BCAS3: variants seen among roughly 807,000 people sequenced by gnomAD.
The protein encoded by BCAS3 is BCAS4/BCAS3 fusion.
BCAS3 carries 53 observed loss-of-function variants against 116.1 expected under a neutral mutation model. That is an observed-to-expected ratio of 0.46 (90% CI 0.37 to 0.57). The LOEUF (loss-of-function observed/expected upper bound fraction) is 0.57, where lower values mean the gene tolerates loss of function less well. Among genes scored for constraint, BCAS3 ranks in the 20% least tolerant of loss-of-function variants. BCAS3 has a pLI of 0.00. For synonymous variants in BCAS3, 391 were observed against 408.2 expected, an observed-to-expected ratio of 0.96 and a Z score of 0.51; for missense variants, 917 against 1,165.4, an observed-to-expected ratio of 0.79 and a Z score of 3.10.
In BCAS3 at chr17:61,392,032, C is replaced by T. The variant is rs376477516; in HGVS notation, c.2649C>T (p.Ser883=). The change falls in exon 24 of 24, where the codon AGC becomes AGT. Residue 883 remains serine, a synonymous_variant. Coordinates refer to ENST00000407086, the MANE Select transcript of BCAS3 (RefSeq NM_017679.5). This position sits in a 1 kb window ranked among gnomAD's most constrained non-coding sequence, Gnocchi z 6.4. ...ETLSNSSGST[S]GSIPRNFDGY... Reference sequence around the variant, plus strand: ...TGAGTAACAGCTCAGGCTCCACCAGCGGCAGCATACCAAGAAACTTTGATG... The same window carrying T: ...TGAGTAACAGCTCAGGCTCCACCAGTGGCAGCATACCAAGAAACTTTGATG... 58 of 1,613,726 alleles carry T rather than the reference C, an allele frequency of 3.6e-5. No homozygotes were observed. The Middle Eastern group carries it at 4.9e-4, about 14-fold the overall frequency.
Position 61,171,245 on chromosome 17 carries a change from T to C in BCAS3, c.2425+86681T>C, listed in dbSNP as rs948145340. 2.0e-5 allele frequency among the ~76,000 whole-genome samples: 3 copies of C among 152,188 alleles called. No homozygotes were observed. Among genetic ancestry groups the C allele is most frequent in the African/African-American group, 7.2e-5 (3 of 41,436 alleles). On this transcript the variant is annotated intron_variant, in intron 22 of 23. Transcript: ENST00000407086. This position sits in a 1 kb window ranked among gnomAD's most constrained non-coding sequence, Gnocchi z 4.1. ...TAGACTTGGATAAGTTACAAATATATGCTATACATTCTAAAGCAGCCTCTA... is the reference window on the plus strand; with the variant it reads ...TAGACTTGGATAAGTTACAAATATACGCTATACATTCTAAAGCAGCCTCTA...
chr17:61,202,173 T>C (rs1253431661), intron 22 of BCAS3, among the ~76,000 whole-genome samples: 3 of 143,722 alleles, frequency 2.1e-5, no homozygotes, highest in African/African-American at 7.6e-5. Context: ...AGTCTCGCTC[T>C]GTCTCCCAGG....
At chr17:61,358,788 G>A (rs995289813) in intron 22 of BCAS3, among the ~76,000 whole-genome samples, 3 of 152,102 alleles carry the variant, frequency 2.0e-5, no homozygotes, top group Non-Finnish European at 2.9e-5. Flanking sequence ...GAGCCACCGC[G>A]TCTGGCCTTG....
intron 3 of BCAS3, among the ~76,000 whole-genome samples, chr17:60,687,249 A>G (rs954656271): frequency 1.3e-5 from 2 of 152,220 alleles, no homozygotes; most frequent in Admixed American, 6.5e-5. Context: ...TGTTTGAAGA[A>G]GGGCTTTTAA....
At chr17:60,731,912 G>A (rs2040493669) in intron 5 of BCAS3, among the ~76,000 whole-genome samples, 1 of 151,256 alleles carries the variant, frequency 6.6e-6, no homozygotes, top group Admixed American at 6.6e-5. Context: ...CCAAGTAGCT[G>A]GGATTATAGG....
chr17:61,388,592 T>G lies in BCAS3; in HGVS notation c.2594-3385T>G. On this transcript the variant is annotated intron_variant, in intron 23 of 23. Transcript: ENST00000407086. The surrounding 1 kb of genome is among the most constrained non-coding windows in gnomAD (Gnocchi z 6.5). ...GTTGTCCATATCTTTTCCAAAAAGATTCCTCAATGCTTTTCTTTTCAAAAG... is the reference window on the plus strand; with the variant it reads ...GTTGTCCATATCTTTTCCAAAAAGAGTCCTCAATGCTTTTCTTTTCAAAAG... 6.5e-7 allele frequency: 1 copy of G among 1,526,848 alleles called. No homozygotes were observed. Among genetic ancestry groups the G allele is most frequent in the Non-Finnish European group, 8.8e-7 (1 of 1,142,800 alleles). The allele number at this position is 1,526,848 out of a possible 1,614,324, so 94.6% of individuals were successfully genotyped here.
intron 22 of BCAS3, among the ~76,000 whole-genome samples, chr17:61,147,081 A>T (rs901233160): frequency 6.8e-6 from 1 of 146,380 alleles, no homozygotes; most frequent in Non-Finnish European, 1.5e-5. Flanking sequence ...TGCCTGGCTA[A>T]TTTTTTTTTT....
chr17:61,257,038 AT>A (rs2048831073), intron 22 of BCAS3, among the ~76,000 whole-genome samples: 1 of 152,126 alleles, frequency 6.6e-6, no homozygotes, highest in Non-Finnish European at 1.5e-5. Flanking sequence ...CATGATTTCC[AT>A]TTAGATCTCA....
At chr17:60,687,932 C>T (rs2034307062) in intron 3 of BCAS3, 1 of 152,146 alleles carries the variant, frequency 6.6e-6, no homozygotes. Flanking sequence ...ACTTATTTCC[C>T]CCTCACAGGG....
chr17:60,695,610 T>G (rs1009066279), intron 4 of BCAS3, among the ~76,000 whole-genome samples: 2 of 152,172 alleles, frequency 1.3e-5, no homozygotes. Flanking sequence ...TTTAAAATTT[T>G]ATTTTTAGAG....
At chr17:60,928,359 G>A (rs918879916) in intron 13 of BCAS3, among the ~76,000 whole-genome samples, 1 of 152,216 alleles carries the variant, frequency 6.6e-6, no homozygotes, top group Admixed American at 6.5e-5. Flanking sequence ...TTGAATGAAA[G>A]AGGCAAGAAA....
rs992273632 is a variant in BCAS3, at chr17:61,156,936, C to T, written c.2425+72372C>T. On this transcript the variant is annotated intron_variant, in intron 22 of 23. Transcript: ENST00000407086. The surrounding 1 kb of genome is among the most constrained non-coding windows in gnomAD (Gnocchi z 4.7). ...CAACACTTAAAAAAAACAAATTCTA[C>T]AACATTTAAACAGTTGAGGCATCAC... Among the ~76,000 whole-genome samples the T allele has an allele frequency of 3.3e-5, 5 of 152,106 alleles. No homozygotes were observed. The highest frequency in any genetic ancestry group is 1.2e-4 in the African/African-American group (5 of 41,416).
intron 7 of BCAS3, among the ~76,000 whole-genome samples, chr17:60,844,820 G>C (rs75488268): frequency 4.6e-5 from 7 of 152,292 alleles, no homozygotes; most frequent in Non-Finnish European, 8.8e-5. Context: ...GTGAGTAGAC[G>C]TGAGGATGGA....
In BCAS3 at chr17:61,084,713, A is replaced by C; in HGVS notation, c.2425+149A>C. 1 of 695,724 alleles carries C rather than the reference A, an allele frequency of 1.4e-6. No individual in the cohort carries two copies. The highest frequency in any genetic ancestry group is 2.5e-6 in the Non-Finnish European group (1 of 401,574). The allele number at this position is 695,724 out of a possible 1,614,324, so 43.1% of individuals were successfully genotyped here. ...TGCATTTTAATACAGTACTGTGCCT[A>C]TATTTCTTGCTGAACAATGCCATGC... is the stretch of plus-strand genomic sequence containing the variant. On this transcript the variant is annotated intron_variant, in intron 22 of 23. Transcript: ENST00000407086. The surrounding 1 kb of genome is among the most constrained non-coding windows in gnomAD (Gnocchi z 5.5).
At chr17:60,985,425 G>T (rs1457367193) in intron 14 of BCAS3, among the ~76,000 whole-genome samples, 1 of 152,012 alleles carries the variant, frequency 6.6e-6, no homozygotes, top group Non-Finnish European at 1.5e-5. Flanking sequence ...GGGATTATGG[G>T]TGTGAGCTGT....
intron 16 of BCAS3, among the ~76,000 whole-genome samples, chr17:61,018,031 T>C (rs1454839044): frequency 6.6e-6 from 1 of 152,224 alleles, no homozygotes; most frequent in East Asian, 1.9e-4. Context: ...TGAGTTGTTT[T>C]ATGTGCTTTG....
At chr17:61,298,277 G>C (rs1339953309) in intron 22 of BCAS3, among the ~76,000 whole-genome samples, 2 of 152,028 alleles carry the variant, frequency 1.3e-5, no homozygotes, top group Non-Finnish European at 2.9e-5. Context: ...AACAGGGCTG[G>C]AAAACTGCCA....
At chr17:60,856,454 C>T (rs2072940909) in intron 7 of BCAS3, among the ~76,000 whole-genome samples, 1 of 152,064 alleles carries the variant, frequency 6.6e-6, no homozygotes, top group Admixed American at 6.6e-5. Flanking sequence ...TTTCGGGGGC[C>T]AAGGCAGGTG....
At chr17:60,892,880 C>G (rs896809410) in intron 10 of BCAS3, among the ~76,000 whole-genome samples, 2 of 151,948 alleles carry the variant, frequency 1.3e-5, no homozygotes, top group Admixed American at 1.3e-4. Context: ...CGAGATCATG[C>G]CATCGCACTC....
Sources: gnomAD v4.1 joint callset for allele counts (sites outside exome capture counted in the v4.1 genomes callset) on GRCh38, gnomAD v4.1.1 for gene constraint, Gnocchi (gnomAD v3.1) non-coding constraint, MANE v1.5 for transcripts, NCBI Gene and HGNC (gene_info 2026-07-23, HGNC 2026-07-21) for gene names.